ADAM7: variants seen among roughly 807,000 people sequenced by gnomAD.
The protein encoded by ADAM7 is ADAM metallopeptidase domain 7, also known as disintegrin and metalloproteinase domain-containing protein 7.
In ADAM7, 97 loss-of-function variants were observed where a neutral mutation model predicts 102.9. That is an observed-to-expected ratio of 0.94 (90% CI 0.80 to 1.12). The LOEUF is 1.12. Among genes scored for constraint, ADAM7 ranks in the 50% most tolerant of loss-of-function variants. The pLI, the probability that ADAM7 is intolerant of heterozygous loss-of-function variation, is 0.00. For synonymous variants in ADAM7, 334 were observed against 304.4 expected, an observed-to-expected ratio of 1.10 and a Z score of -1.01; for missense variants, 991 against 908.7, an observed-to-expected ratio of 1.09 and a Z score of -1.16.
chr8:24,447,242 C>T lies in ADAM7; in HGVS notation c.213C>T (p.Val71=), dbSNP rs1818594959. 2.6e-6 allele frequency: 4 copies of T among 1,521,562 alleles called. No individual in the cohort carries two copies. In the Admixed American group the frequency reaches 5.5e-5, roughly 21 times the overall value. 94.3% of individuals were successfully genotyped at this position (1,521,562 alleles called of 1,614,324 possible). The change falls in exon 3 of 22, where the codon GTC becomes GTT. Residue 71 remains valine (V), a synonymous_variant. Transcript: ENST00000175238. The part of the protein sequence containing the change: ...YEIKLNRKTL[V]LHLLRSREFL... Reference sequence around the variant, plus strand: ...TAAAACTAAATAGAAAAACCTTAGTCCTTCATCTTCTAAGATCCAGGTAAG... The same window carrying T: ...TAAAACTAAATAGAAAAACCTTAGTTCTTCATCTTCTAAGATCCAGGTAAG...
chr8:24,445,553 G>C (rs1818525086), intron 2 of ADAM7, among the ~76,000 whole-genome samples: 1 of 152,114 alleles, frequency 6.6e-6, no homozygotes, highest in South Asian at 2.1e-4. Context: ...GTCTTTTAAA[G>C]TTATCTACTG....
rs1202155172 is a variant in ADAM7, at chr8:24,484,006, T to G, written c.876-1271T>G. On this transcript the variant is annotated intron_variant, in intron 9 of 21. Coordinates refer to ENST00000175238, the MANE Select transcript of ADAM7 (RefSeq NM_003817.4). Reference sequence around the variant, plus strand: ...TAAGTTTCTTGGGTACCTGCCCTTCTGTATTCACTTAGATGTAGAAGTGGC... The same window carrying G: ...TAAGTTTCTTGGGTACCTGCCCTTCGGTATTCACTTAGATGTAGAAGTGGC... 2.0e-5 allele frequency among the ~76,000 whole-genome samples: 3 copies of G among 152,166 alleles called. No individual in the cohort carries two copies. In the East Asian group the frequency reaches 5.8e-4, roughly 29 times the overall value.
At chr8:24,444,298 A>T (rs976672759) in intron 2 of ADAM7, among the ~76,000 whole-genome samples, 1 of 151,438 alleles carries the variant, frequency 6.6e-6, no homozygotes, top group Non-Finnish European at 1.5e-5. Context: ...AAATAAATAA[A>T]TTGAAAAAAT....
At chr8:24,493,814 A>T (rs1184208773) in intron 16 of ADAM7, among the ~76,000 whole-genome samples, 1 of 152,212 alleles carries the variant, frequency 6.6e-6, no homozygotes, top group Non-Finnish European at 1.5e-5. Context: ...ATGGGAGAAG[A>T]CATTTTAGCA....
chr8:24,482,113 T>C, intron 8 of ADAM7, 29 bp from the exon 9 acceptor site: 1 of 1,522,500 alleles, frequency 6.6e-7, no homozygotes, highest in East Asian at 2.3e-5. Context: ...CAACTTGACT[T>C]TGTGAAAAAT....
At chr8:24,465,217 A>G (rs1380655824) in intron 4 of ADAM7, among the ~76,000 whole-genome samples, 1 of 152,170 alleles carries the variant, frequency 6.6e-6, no homozygotes, top group African/African-American at 2.4e-5. Context: ...AAGACCACAG[A>G]AAGTGTCATC....
intron 16 of ADAM7, among the ~76,000 whole-genome samples, chr8:24,496,756 A>G (rs558262822): frequency 7.1e-4 from 108 of 152,198 alleles, no homozygotes; most frequent in African/African-American, 2.3e-3. Context: ...CAATGCCTGT[A>G]CCCCCATTGT....
chr8:24,490,911 G>C, intron 13 of ADAM7, 23 bp downstream of exon 13: 1 of 1,606,632 alleles, frequency 6.2e-7, no homozygotes, highest in South Asian at 1.1e-5. Context: ...GCCAGGAGAA[G>C]GTTTTTTTTT....
At chr8:24,451,327 A>C (rs1226681689) in intron 3 of ADAM7, among the ~76,000 whole-genome samples, 2 of 152,062 alleles carry the variant, frequency 1.3e-5, no homozygotes, top group East Asian at 1.9e-4. Context: ...ACAATTTCAG[A>C]GCCTGTTATT....
intron 21 of ADAM7, 110 bp downstream of exon 21, chr8:24,507,645 C>A: frequency 9.2e-6 from 1 of 109,214 alleles, no homozygotes; most frequent in Non-Finnish European, 1.6e-5. Flanking sequence ...CTGTACTTAT[C>A]ACAACAGATT....
intron 10 of ADAM7, among the ~76,000 whole-genome samples, chr8:24,485,779 T>A (rs1820121196): frequency 6.6e-6 from 1 of 152,184 alleles, no homozygotes; most frequent in Non-Finnish European, 1.5e-5. Flanking sequence ...CAATTCATTT[T>A]TAGAAAGCAT....
chr8:24,463,907 G>C lies in ADAM7; in HGVS notation c.259G>C (p.Glu87Gln). ...SREFLGSNYS[E>Q]TFYSMKGEAF... is the part of the protein sequence containing the mutation. ...GGAGTTCCTAGGCTCAAATTACAGT[G>C]AAACATTCTACTCCATGAAAGGAGA... Residue 87 changes from glutamate (E) to glutamine (Q), a missense_variant, in exon 4 of 22, where the codon GAA becomes CAA. Coordinates refer to ENST00000175238, the MANE Select transcript of ADAM7 (RefSeq NM_003817.4). 1 of 1,613,732 alleles carries C rather than the reference G, an allele frequency of 6.2e-7. No homozygotes were observed. Among genetic ancestry groups the C allele is most frequent in the South Asian group, 1.1e-5 (1 of 91,068 alleles).
chr8:24,446,426 G>A (rs979540299), intron 2 of ADAM7, among the ~76,000 whole-genome samples: 1 of 152,054 alleles, frequency 6.6e-6, no homozygotes, highest in Non-Finnish European at 1.5e-5. Flanking sequence ...TTGATGGTGA[G>A]GTTCTAAACA....
intron 3 of ADAM7, among the ~76,000 whole-genome samples, chr8:24,448,319 C>T (rs911565688): frequency 6.6e-6 from 1 of 152,096 alleles, no homozygotes; most frequent in Admixed American, 6.6e-5. Context: ...ACAATTACCC[C>T]AGGCTGCCTA....
intron 3 of ADAM7, among the ~76,000 whole-genome samples, chr8:24,452,190 A>G (rs1161631316): frequency 7.9e-5 from 12 of 151,140 alleles, no homozygotes; most frequent in African/African-American, 2.7e-4. Context: ...GCTGAGTTCA[A>G]TTCCTGGGTA....
At chr8:24,453,041 C>T (rs1818861095) in intron 3 of ADAM7, among the ~76,000 whole-genome samples, 1 of 151,230 alleles carries the variant, frequency 6.6e-6, no homozygotes, top group African/African-American at 2.4e-5. Flanking sequence ...GATGGGCTTC[C>T]CTTTGAGGGT....
At chr8:24,466,746 G>A in intron 5 of ADAM7, 53 bp from the exon 6 acceptor site, 3 of 1,531,698 alleles carry the variant, frequency 2.0e-6, no homozygotes, top group South Asian at 1.2e-5. Context: ...TCAATACAAT[G>A]AAATAGAGTA....
intron 12 of ADAM7, 180 bp from the exon 13 acceptor site, chr8:24,490,619 G>T: frequency 1.7e-6 from 1 of 589,776 alleles, no homozygotes; most frequent in Non-Finnish European, 3.0e-6. Context: ...GAGAGAAGGA[G>T]AAATAGTTAA....
Position 24,500,186 on chromosome 8 carries a change from C to T in ADAM7, c.1932C>T (p.Gly644=), listed in dbSNP as rs1337536413. Residue 644 remains glycine, a synonymous_variant, in exon 18 of 22, where the codon GGC becomes GGT. Coordinates refer to ENST00000175238, the MANE Select transcript of ADAM7 (RefSeq NM_003817.4). ...PSQCNENPVD[G]HGLQCHCEEG... ...ATTGACTGCTCTTCCAGGTGGATGG[C>T]CACGGACTCCAGTGCCACTGTGAGG... The T allele has an allele frequency of 1.7e-5, 27 of 1,610,152 alleles. No homozygotes were observed. Among genetic ancestry groups the T allele is most frequent in the Non-Finnish European group, 2.1e-5 (25 of 1,177,380 alleles).
Sources: allele counts gnomAD v4.1 joint callset (sites outside exome capture counted in the v4.1 genomes callset), GRCh38; gene constraint gnomAD v4.1.1; transcripts MANE v1.5; gene names NCBI Gene and HGNC (gene_info 2026-07-23, HGNC 2026-07-21).